The following LARP1B variants were observed in gnomAD, a reference collection of about 807,000 sequenced individuals.
LARP1B encodes la-related protein 1B.
Under a neutral mutation model 114.2 loss-of-function variants are expected in LARP1B, and 76 were observed. The ratio of observed to expected loss-of-function variants is 0.67; its 90% CI spans 0.55 to 0.81. LARP1B has a LOEUF of 0.81. Ranked by LOEUF, LARP1B falls within the 30% of genes least tolerant of loss-of-function variation. The pLI is 0.00. For synonymous variants in LARP1B, 345 were observed against 348.0 expected, an observed-to-expected ratio of 0.99 and a Z score of 0.10; for missense variants, 1,014 against 1,075.8, an observed-to-expected ratio of 0.94 and a Z score of 0.80.
At chr4:128,065,259 TTCTTTC>T (rs1202340485) in intron 1 of LARP1B, among the ~76,000 whole-genome samples, 3 of 68,626 alleles carry the variant, frequency 4.4e-5, no homozygotes, top group Non-Finnish European at 6.4e-5. Context: ...ATTAATTTCT[TTCTTTC>T]TTTCTTTCTT....
chr4:128,108,895 A>G (rs543128966), intron 9 of LARP1B: 1 of 936,666 alleles, frequency 1.1e-6, no homozygotes, highest in African/African-American at 1.8e-5. Context: ...TTATAAGAAT[A>G]AAATCATAAT....
intron 13 of LARP1B, among the ~76,000 whole-genome samples, chr4:128,177,414 G>A (rs975427481): frequency 1.3e-5 from 2 of 152,084 alleles, no homozygotes; most frequent in African/African-American, 4.8e-5. Flanking sequence ...CACAGAAATA[G>A]TGCCTATTTT....
chr4:128,146,192 A>C (rs574770370), intron 11 of LARP1B, among the ~76,000 whole-genome samples: 63 of 152,358 alleles, frequency 4.1e-4, no homozygotes, highest in South Asian at 1.9e-3. Context: ...TGTGTGGACT[A>C]TGAGACACAT....
chr4:128,205,005 C>G (rs1757169016), intron 17 of LARP1B, among the ~76,000 whole-genome samples: 1 of 152,174 alleles, frequency 6.6e-6, no homozygotes, highest in Non-Finnish European at 1.5e-5. Context: ...AGAGGAACAT[C>G]AAAGCAAGTT....
At chr4:128,169,580 T>C (rs1581233734) in intron 12 of LARP1B, among the ~76,000 whole-genome samples, 1 of 152,252 alleles carries the variant, frequency 6.6e-6, no homozygotes, top group Admixed American at 6.5e-5. Flanking sequence ...TTTTCTGATA[T>C]AAGCATTTAA....
intron 11 of LARP1B, among the ~76,000 whole-genome samples, chr4:128,135,280 TAAC>T (rs1793006293): frequency 6.6e-6 from 1 of 152,164 alleles, no homozygotes; most frequent in African/African-American, 2.4e-5. Flanking sequence ...AAATAGTTGT[TAAC>T]AAGGATTTGG....
intron 8 of LARP1B, among the ~76,000 whole-genome samples, chr4:128,103,379 GA>G (rs1008295216): frequency 6.6e-6 from 1 of 150,764 alleles, no homozygotes; most frequent in African/African-American, 2.4e-5. Context: ...ATTGTCCAAG[GA>G]AAAAAAAGGT....
At chr4:128,212,471 C>T (rs930615408), downstream of LARP1B, among the ~76,000 whole-genome samples, 2 of 151,782 alleles carry the variant, frequency 1.3e-5, no homozygotes, top group Admixed American at 6.6e-5. Flanking sequence ...TGATGTGAAA[C>T]CCCATCTCTA....
chr4:128,098,796 A>T (rs1469422155), intron 8 of LARP1B, among the ~76,000 whole-genome samples: 9 of 39,624 alleles, frequency 2.3e-4, no homozygotes, highest in African/African-American at 3.3e-4. Flanking sequence ...TTTTTTTTTT[A>T]AGACAGTGTC....
At chr4:128,125,212 G>A (rs1789169659) in intron 11 of LARP1B, among the ~76,000 whole-genome samples, 1 of 149,648 alleles carries the variant, frequency 6.7e-6, no homozygotes, top group African/African-American at 2.6e-5. Flanking sequence ...CCCAAAACGG[G>A]TAAAAACCAT....
intron 15 of LARP1B, 56 bp downstream of exon 15, chr4:128,179,568 C>T: frequency 9.2e-7 from 1 of 1,092,800 alleles, no homozygotes; most frequent in Admixed American, 2.3e-5. Flanking sequence ...TTTTTGAAAA[C>T]AGTTACTAAT....
intron 5 of LARP1B, among the ~76,000 whole-genome samples, chr4:128,083,581 C>A (rs1229029067): frequency 6.7e-6 from 1 of 148,244 alleles, no homozygotes; most frequent in Non-Finnish European, 1.5e-5. Context: ...GGCTGACCCC[C>A]CCACCTCCCT....
intron 10 of LARP1B, among the ~76,000 whole-genome samples, chr4:128,120,024 A>G (rs540970868): frequency 6.6e-6 from 1 of 152,350 alleles, no homozygotes; most frequent in South Asian, 2.1e-4. Context: ...TTTAAAATAT[A>G]TCATCAGTAT....
At chr4:128,159,018 A>T (rs543447229) in intron 11 of LARP1B, among the ~76,000 whole-genome samples, 4 of 53,022 alleles carry the variant, frequency 7.5e-5, no homozygotes, top group African/African-American at 1.6e-4. Flanking sequence ...AAAAAAAATT[A>T]AAAAAAAAAA....
At chr4:128,132,031 G>A (rs1420448276) in intron 11 of LARP1B, among the ~76,000 whole-genome samples, 2 of 152,162 alleles carry the variant, frequency 1.3e-5, no homozygotes, top group Non-Finnish European at 2.9e-5. Flanking sequence ...GGGTTACCAT[G>A]TAACCTAGCA....
chr4:128,078,247 T>C (rs556846287), intron 4 of LARP1B, among the ~76,000 whole-genome samples: 3 of 152,244 alleles, frequency 2.0e-5, no homozygotes, highest in Admixed American at 2.0e-4. Context: ...TTATTGTTCT[T>C]TTAGATCTGC....
At chr4:128,204,883 G>A (rs1293287634) in intron 17 of LARP1B, among the ~76,000 whole-genome samples, 1 of 143,312 alleles carries the variant, frequency 7.0e-6, no homozygotes, top group Non-Finnish European at 1.6e-5. Flanking sequence ...AAAAGATCCT[G>A]ATTCCATTGG....
chr4:128,180,142 G>A (rs1050308543), intron 15 of LARP1B, among the ~76,000 whole-genome samples: 2 of 152,086 alleles, frequency 1.3e-5, no homozygotes, highest in African/African-American at 2.4e-5. Context: ...AATAGAGACA[G>A]AATCTTGCTC....
At chr4:128,095,444 A>G (rs963974880) in intron 7 of LARP1B, among the ~76,000 whole-genome samples, 6 of 146,482 alleles carry the variant, frequency 4.1e-5, no homozygotes, top group Non-Finnish European at 8.9e-5. Context: ...AGCCGAGATC[A>G]TGCCATCCCA....
Sources: allele counts gnomAD v4.1 joint callset (sites outside exome capture counted in the v4.1 genomes callset), GRCh38; gene constraint gnomAD v4.1.1; transcripts MANE v1.5; gene names NCBI Gene and HGNC (gene_info 2026-07-23, HGNC 2026-07-21).